The following CNTNAP4 variants were observed in gnomAD, a reference collection of about 807,000 sequenced individuals.
The protein encoded by CNTNAP4 is contactin associated protein family member 4.
A neutral mutation model predicts 148.4 loss-of-function variants in CNTNAP4; 98 were observed. The ratio of observed to expected loss-of-function variants is 0.66; its 90% CI spans 0.56 to 0.78. The LOEUF is 0.78. Among genes scored for constraint, CNTNAP4 ranks in the 30% least tolerant of loss-of-function variants. The pLI, the probability that CNTNAP4 is intolerant of heterozygous loss-of-function variation, is 0.00. For synonymous variants in CNTNAP4, 730 were observed against 565.1 expected (o/e 1.29, Z -4.14); for missense variants, 1,935 against 1,565.6 (o/e 1.24, Z -3.98).
rs755407686 is a variant in CNTNAP4, at chr16:76,532,347, C to T, written c.2756-3198C>T. The stretch of plus-strand genomic sequence containing the variant: ...AAATGTGTTTATTCTAGTATTTCCT[C>T]AGATGGACCTGTGGACCAATCTTTG... On this transcript the variant is annotated intron_variant, in intron 17 of 23. Transcript: ENST00000611870. Among the ~76,000 whole-genome samples the T allele has an allele frequency of 2.6e-4, 39 of 152,182 alleles. 1 individual carries two copies. The highest frequency in any genetic ancestry group is 2.0e-4 in the Admixed American group (3 of 15,278).
chr16:76,341,126 A>G (rs542908825), intron 2 of CNTNAP4, among the ~76,000 whole-genome samples: 16 of 152,118 alleles, frequency 1.1e-4, no homozygotes, highest in Non-Finnish European at 1.9e-4. Context: ...TTCACCTCCT[A>G]GGTCATTCCT....
At chr16:76,375,076 CTTTT>C (rs1012266659) in intron 3 of CNTNAP4, among the ~76,000 whole-genome samples, 13 of 151,984 alleles carry the variant, frequency 8.6e-5, no homozygotes, top group Non-Finnish European at 5.9e-5. Context: ...GCCAGCAGAA[CTTTT>C]TTTAAGAGAA....
intron 8 of CNTNAP4, among the ~76,000 whole-genome samples, chr16:76,454,431 A>G (rs1042881571): frequency 6.6e-6 from 1 of 152,212 alleles, no homozygotes; most frequent in Non-Finnish European, 1.5e-5. Context: ...TTTCTAAATG[A>G]ATGTTTAAAT....
intron 2 of CNTNAP4, 96 bp downstream of exon 2, chr16:76,316,619 G>A (rs932992400): frequency 8.7e-6 from 7 of 805,472 alleles, no homozygotes; most frequent in Non-Finnish European, 1.2e-5. Flanking sequence ...CATGGTAAAA[G>A]AAAGTAAATT....
chr16:76,289,238 G>A (rs968826308), intron 1 of CNTNAP4, among the ~76,000 whole-genome samples: 4 of 152,022 alleles, frequency 2.6e-5, no homozygotes, highest in South Asian at 4.1e-4. Flanking sequence ...CCTGTAGCAC[G>A]TGCCCGATCA....
At chr16:76,342,705 C>G (rs772974392) in intron 2 of CNTNAP4, among the ~76,000 whole-genome samples, 1 of 152,010 alleles carries the variant, frequency 6.6e-6, no homozygotes, top group African/African-American at 2.4e-5. Context: ...ATCTCCTGAC[C>G]TCGTGATCTG....
intron 3 of CNTNAP4, among the ~76,000 whole-genome samples, chr16:76,409,001 G>T (rs2078700412): frequency 6.6e-6 from 1 of 151,938 alleles, no homozygotes; most frequent in Non-Finnish European, 1.5e-5. Context: ...GCCACAATGA[G>T]TCATTATGTC....
At chr16:76,532,613 G>A (rs996572481) in intron 17 of CNTNAP4, among the ~76,000 whole-genome samples, 1 of 152,182 alleles carries the variant, frequency 6.6e-6, no homozygotes, top group African/African-American at 2.4e-5. Context: ...ATGATTTAAT[G>A]TGGGATAATA....
chr16:76,298,724 G>C (rs117012796), intron 1 of CNTNAP4, among the ~76,000 whole-genome samples: 1 of 152,130 alleles, frequency 6.6e-6, no homozygotes, highest in Non-Finnish European at 1.5e-5. Flanking sequence ...TGGCCAACTG[G>C]ACTGCTGATC....
Position 76,344,658 on chromosome 16 carries a change from T to G in CNTNAP4, c.197-10660T>G, listed in dbSNP as rs1044922724. The stretch of plus-strand genomic sequence containing the variant: ...ATATTTTTCAGTGTTGTCAAAACTT[T>G]AGCAGTTATGAATATTGTCAAGATG... On this transcript the variant is annotated intron_variant, in intron 2 of 23. Transcript: ENST00000611870. Among the ~76,000 whole-genome samples, 5 of 152,224 alleles carry G rather than the reference T, an allele frequency of 3.3e-5. No homozygotes were observed. In the South Asian group the frequency reaches 6.2e-4, roughly 19 times the overall value.
At chr16:76,453,106 A>G (rs1363211377) in intron 8 of CNTNAP4, among the ~76,000 whole-genome samples, 2 of 152,188 alleles carry the variant, frequency 1.3e-5, no homozygotes, top group Non-Finnish European at 2.9e-5. Flanking sequence ...CAAGTTAACT[A>G]AGTGTTCTTC....
chr16:76,454,031 C>T (rs530945777), intron 8 of CNTNAP4, among the ~76,000 whole-genome samples: 1 of 151,864 alleles, frequency 6.6e-6, no homozygotes, highest in South Asian at 2.1e-4. Flanking sequence ...TATATTCATA[C>T]CCTAATTTTC....
chr16:76,301,210 C>G (rs1295946617), intron 1 of CNTNAP4, among the ~76,000 whole-genome samples: 2 of 152,034 alleles, frequency 1.3e-5, no homozygotes, highest in African/African-American at 4.8e-5. Context: ...TGGGAATGAT[C>G]AATTTTTAAG....
intron 9 of CNTNAP4, 141 bp from the exon 10 acceptor site, chr16:76,467,211 A>C (rs2081203432): frequency 4.3e-6 from 3 of 692,142 alleles, no homozygotes; most frequent in Non-Finnish European, 7.1e-6. Context: ...GATCAAACTA[A>C]TAATGACTGC....
At chr16:76,536,480 G>A (rs1184889346) in intron 18 of CNTNAP4, among the ~76,000 whole-genome samples, 1 of 152,132 alleles carries the variant, frequency 6.6e-6, no homozygotes, top group East Asian at 1.9e-4. Context: ...ACAGACGTGA[G>A]TCCCCATGCC....
chr16:76,342,380 CAA>C (rs1167223786), intron 2 of CNTNAP4, among the ~76,000 whole-genome samples: 1 of 149,694 alleles, frequency 6.7e-6, no homozygotes, highest in Non-Finnish European at 1.5e-5. Flanking sequence ...TAAATGAAAA[CAA>C]AGTTTTTGAC....
chr16:76,527,407 G>A (rs905837463), intron 17 of CNTNAP4, among the ~76,000 whole-genome samples: 2 of 152,074 alleles, frequency 1.3e-5, no homozygotes, highest in Non-Finnish European at 2.9e-5. Context: ...GTTTTAAAGG[G>A]TAATTTAATT....
rs545827884 is a variant in CNTNAP4, at chr16:76,403,652, G to T, written c.391-23800G>T. Among the ~76,000 whole-genome samples, 108 of 152,256 alleles carry T rather than the reference G, an allele frequency of 7.1e-4. 1 individual carries two copies. The South Asian group carries it at 0.012, about 17-fold the overall frequency. ...AAACAGTATGGCAATTCCTCAAAGA[G>T]CTAAGAACAGAACCACCATTTGGCC... On this transcript the variant is annotated intron_variant, in intron 3 of 23. Transcript: ENST00000611870.
At chr16:76,551,905 C>T (rs944998286) in intron 21 of CNTNAP4, among the ~76,000 whole-genome samples, 1 of 152,068 alleles carries the variant, frequency 6.6e-6, no homozygotes, top group African/African-American at 2.4e-5. Flanking sequence ...TTTGTCTTTC[C>T]CTACCTATAT....
Sources: allele counts gnomAD v4.1 joint callset (sites outside exome capture counted in the v4.1 genomes callset), GRCh38; gene constraint gnomAD v4.1.1; transcripts MANE v1.5; gene names NCBI Gene and HGNC (gene_info 2026-07-23, HGNC 2026-07-21).